ANKUB1: variants seen among roughly 807,000 people sequenced by gnomAD.
ANKUB1 encodes ankyrin repeat and ubiquitin domain containing 1, also known as protein ANKUB1.
Under a neutral mutation model 49.3 loss-of-function variants are expected in ANKUB1, and 42 were observed. The ratio of observed to expected loss-of-function variants is 0.85; its 90% CI spans 0.67 to 1.10. ANKUB1 has a LOEUF of 1.10. ANKUB1 is among the 50% of genes least tolerant of loss of function. ANKUB1 has a pLI of 0.00. For missense variants in ANKUB1, 613 were observed against 642.0 expected (o/e 0.95, Z 0.49); for synonymous variants, 222 against 231.0 (o/e 0.96, Z 0.35).
intron 5 of ANKUB1, among the ~76,000 whole-genome samples, chr3:149,762,471 C>T (rs139003928): frequency 4.6e-4 from 70 of 152,320 alleles, no homozygotes; most frequent in Middle Eastern, 3.4e-3. Context: ...CACACCCAGT[C>T]AGTGACCAAA....
At chr3:149,783,178 G>A (rs187682947) in intron 2 of ANKUB1, 2 of 152,268 alleles carry the variant, frequency 1.3e-5, no homozygotes, top group East Asian at 3.9e-4. Context: ...GTTGTATGAC[G>A]AGGGAGTAGG....
chr3:149,788,498 C>A (rs756816837), intron 2 of ANKUB1, among the ~76,000 whole-genome samples: 2 of 151,810 alleles, frequency 1.3e-5, no homozygotes, highest in Non-Finnish European at 2.9e-5. Flanking sequence ...CCACCACACC[C>A]GGAAAATTTT....
chr3:149,777,831 A>G (rs564227940), intron 3 of ANKUB1, among the ~76,000 whole-genome samples: 1 of 152,332 alleles, frequency 6.6e-6, no homozygotes, highest in Non-Finnish European at 1.5e-5. Flanking sequence ...TCTCATTTCT[A>G]TCACTTTACT....
chr3:149,783,476 T>C (rs1717956259), intron 2 of ANKUB1: 1 of 152,256 alleles, frequency 6.6e-6, no homozygotes, highest in Non-Finnish European at 1.5e-5. Context: ...AAATACGTTC[T>C]ATCTCATGAG....
At chr3:149,781,997 G>A (rs1359807011) in intron 2 of ANKUB1, among the ~76,000 whole-genome samples, 1 of 152,068 alleles carries the variant, frequency 6.6e-6, no homozygotes, top group Non-Finnish European at 1.5e-5. Context: ...GCTTTCCTAT[G>A]GTTCCATAAG....
chr3:149,789,655 G>T (rs1271404249), intron 2 of ANKUB1, among the ~76,000 whole-genome samples: 2 of 149,972 alleles, frequency 1.3e-5, no homozygotes, highest in Non-Finnish European at 3.0e-5. Flanking sequence ...TCCGAGATGG[G>T]GTCTCACTCT....
chr3:149,767,313 G>A lies in ANKUB1; in HGVS notation c.1349C>T (p.Pro450Leu), dbSNP rs1174585383. ...TCCCACTCTTGAAACTGGAGGGAGG[G>A]GGACTTGGGGAAGATATGTGTTTTT... is the stretch of plus-strand genomic sequence containing the variant. The part of the protein sequence containing the change: ...LIKNTYLPQV[P>L]LPPVSRVGYS... The change falls in exon 5 of 6, where the codon CCC becomes CTC. Residue 450 changes from proline (P) to leucine (L), a missense_variant. Pro to Leu is a moderately conservative substitution (Grantham distance 98). Coordinates refer to ENST00000446160, the MANE Select transcript of ANKUB1 (RefSeq NM_001144960.3). The A allele has an allele frequency of 3.9e-6, 6 of 1,551,498 alleles. No individual in the cohort carries two copies. Among genetic ancestry groups the A allele is most frequent in the Non-Finnish European group, 4.4e-6 (5 of 1,146,964 alleles).
At chr3:149,767,009 T>C (rs894149044) in intron 5 of ANKUB1, 148 bp downstream of exon 5, 1 of 997,774 alleles carries the variant, frequency 1.0e-6, no homozygotes, top group Non-Finnish European at 1.5e-6. Context: ...GTGATGAGGC[T>C]AAGATGAGGT....
Position 149,767,154 on chromosome 3 carries a change from T to C in ANKUB1, c.1505+3A>G, listed in dbSNP as rs571870840. ...GTTTGTATGTTTAAGGGGAGAACAT[T>C]ACCTTGCCACAGCTAAGCAGTAGAT... is the stretch of plus-strand genomic sequence containing the variant. On this transcript the variant is annotated splice_donor_region_variant and intron_variant, in intron 5 of 5. Transcript: ENST00000446160. The C allele has an allele frequency of 2.0e-6, 3 of 1,509,734 alleles. No homozygotes were observed. In the East Asian group the frequency reaches 7.4e-5, roughly 37 times the overall value. 93.5% of individuals were successfully genotyped at this position (1,509,734 alleles called of 1,614,324 possible). A position where few individuals can be genotyped will look rare whatever the true frequency, so the allele number is the denominator to read the frequency against.
intron 2 of ANKUB1, among the ~76,000 whole-genome samples, chr3:149,781,519 C>G (rs2089506519): frequency 6.6e-6 from 1 of 152,216 alleles, no homozygotes; most frequent in African/African-American, 2.4e-5. Context: ...GCGGGACTCT[C>G]TCAGAACCTG....
chr3:149,761,100 T>C lies in ANKUB1; in HGVS notation c.*384A>G, dbSNP rs1223347372. The C allele has an allele frequency of 6.6e-6, 1 of 152,332 alleles. No individual in the cohort carries two copies. The highest frequency in any genetic ancestry group is 1.5e-5 in the Non-Finnish European group (1 of 68,240). The allele number at this position is 152,332 out of a possible 1,614,324, so 9.4% of individuals were successfully genotyped here. On this transcript the variant is annotated 3_prime_UTR_variant, in exon 6 of 6. Transcript: ENST00000446160. Reference sequence around the variant, plus strand: ...AAATATAATTTAAAAATTTTATTTATTTTTAAATATGTTCTACATTCATAT... The same window carrying C: ...AAATATAATTTAAAAATTTTATTTACTTTTAAATATGTTCTACATTCATAT...
rs1351807920 is a variant in ANKUB1 at position 149,767,483 on chromosome 3, C to T, written c.1179G>A (p.Leu393=). The T allele has an allele frequency of 6.4e-7, 1 of 1,551,650 alleles. No individual in the cohort carries two copies. The highest frequency in any genetic ancestry group is 8.7e-7 in the Non-Finnish European group (1 of 1,146,998). The change falls in exon 5 of 6, where the codon TTG becomes TTA. Residue 393 remains leucine, a synonymous_variant. Coordinates refer to ENST00000446160, the MANE Select transcript of ANKUB1 (RefSeq NM_001144960.3). ...QTASSKPVNP[L]AISQPDTRKQ... ...TTCTTGTGTCCGGCTGTGAAATTGC[C>T]AAAGGATTGACAGGTTTGCTGCTTG...
rs1423206707 is a variant in ANKUB1, at chr3:149,790,780, C to A, written c.234+1G>T. On this transcript the variant is annotated splice_donor_variant, in intron 2 of 5. Transcript: ENST00000446160. LOFTEE classifies it high-confidence loss of function. ...GACGAATATTATCCTGACCATCATA[C>A]CTTAACAAAGCATTTGAGAGTTGAA... 3.2e-6 allele frequency: 5 copies of A among 1,549,588 alleles called. No homozygotes were observed. The highest frequency in any genetic ancestry group is 3.5e-6 in the Non-Finnish European group (4 of 1,146,308).
chr3:149,765,389 T>A (rs1716967229), intron 5 of ANKUB1, among the ~76,000 whole-genome samples: 1 of 152,150 alleles, frequency 6.6e-6, no homozygotes, highest in African/African-American at 2.4e-5. Context: ...GAGTAGTGCT[T>A]GTATGAAAAC....
At chr3:149,787,581 C>T (rs567165031) in intron 2 of ANKUB1, among the ~76,000 whole-genome samples, 1 of 152,266 alleles carries the variant, frequency 6.6e-6, no homozygotes, top group African/African-American at 2.4e-5. Context: ...TGCCTGATTG[C>T]CCTGGCCAGA....
intron 5 of ANKUB1, 108 bp downstream of exon 5, chr3:149,767,049 C>T: frequency 8.6e-7 from 1 of 1,160,872 alleles, no homozygotes; most frequent in South Asian, 1.6e-5. Flanking sequence ...TGCACTGGAA[C>T]AACTTGTATT....
At chr3:149,788,720 G>T (rs1389926353) in intron 2 of ANKUB1, among the ~76,000 whole-genome samples, 1 of 152,106 alleles carries the variant, frequency 6.6e-6, no homozygotes, top group Non-Finnish European at 1.5e-5. Flanking sequence ...AACATAGGTT[G>T]CATCTGGGGA....
chr3:149,775,338 A>T (rs1717546436), intron 3 of ANKUB1, among the ~76,000 whole-genome samples: 1 of 152,204 alleles, frequency 6.6e-6, no homozygotes, highest in Non-Finnish European at 1.5e-5. Flanking sequence ...TAGAACTTAA[A>T]GGCCATCAAT....
chr3:149,788,073 A>G (rs1718190128), intron 2 of ANKUB1, among the ~76,000 whole-genome samples: 1 of 152,184 alleles, frequency 6.6e-6, no homozygotes, highest in Admixed American at 6.5e-5. Context: ...CTCAAGGCAA[A>G]CTAACTTTCA....
Sources: allele counts gnomAD v4.1 joint callset (sites outside exome capture counted in the v4.1 genomes callset), GRCh38; gene constraint gnomAD v4.1.1; transcripts MANE v1.5; gene names NCBI Gene and HGNC (gene_info 2026-07-23, HGNC 2026-07-21).